The following SLC6A6 variants were observed in gnomAD, a reference collection of about 807,000 sequenced individuals.
The protein encoded by SLC6A6 is sodium- and chloride-dependent taurine transporter.
A neutral mutation model predicts 68.8 loss-of-function variants in SLC6A6; 16 were observed. That is an observed-to-expected ratio of 0.23 (90% confidence interval 0.16 to 0.35). The LOEUF (loss-of-function observed/expected upper bound fraction) is 0.35, where lower values mean the gene tolerates loss of function less well. Among genes scored for constraint, SLC6A6 ranks in the 10% least tolerant of loss-of-function variants. The pLI is 1.00. For missense variants in SLC6A6, 474 were observed against 802.8 expected (o/e 0.59, Z 4.95); for synonymous variants, 312 against 315.4 (o/e 0.99, Z 0.12).
intron 10 of SLC6A6, among the ~76,000 whole-genome samples, chr3:14,473,769 G>A (rs1700808011): frequency 6.6e-6 from 1 of 152,190 alleles, no homozygotes. Flanking sequence ...AATGAGTTTG[G>A]CCTTCAGAGG....
In SLC6A6 at chr3:14,468,346, G is replaced by A. The variant is rs1167189859; in HGVS notation, c.1096+134G>A. On this transcript the variant is annotated intron_variant, in intron 9 of 14. Coordinates refer to ENST00000622186, the MANE Select transcript of SLC6A6 (RefSeq NM_003043.6). This position sits in a 1 kb window ranked among gnomAD's most constrained non-coding sequence, Gnocchi z 4.5. ...GGTTTCTAAAATGGACCCCCCCCCC[G>A]CCACCAAGATATCCCCCAAATTTCA... 11 of 660,570 alleles carry A rather than the reference G, an allele frequency of 1.7e-5. No homozygotes were observed. The highest frequency in any genetic ancestry group is 9.7e-5 in the South Asian group (4 of 41,148). 40.9% of individuals were successfully genotyped at this position (660,570 alleles called of 1,614,324 possible).
intron 1 of SLC6A6, among the ~76,000 whole-genome samples, chr3:14,408,109 C>T (rs1170585382): frequency 2.0e-5 from 3 of 152,080 alleles, no homozygotes; most frequent in Non-Finnish European, 4.4e-5. Context: ...TTTTTGTGGA[C>T]ATATATTTTC....
intron 1 of SLC6A6, among the ~76,000 whole-genome samples, chr3:14,404,690 C>T (rs1192659107): frequency 2.6e-5 from 4 of 152,338 alleles, no homozygotes; most frequent in African/African-American, 4.8e-5. Flanking sequence ...ACACCAGTGC[C>T]GGCCTCACTA....
At chr3:14,434,932 C>T (rs553220627) in intron 2 of SLC6A6, among the ~76,000 whole-genome samples, 1 of 152,362 alleles carries the variant, frequency 6.6e-6, no homozygotes, top group African/African-American at 2.4e-5. Context: ...GTCCCCAGAC[C>T]TTATGTTCAC....
chr3:14,474,602 G>T (rs190852612), intron 10 of SLC6A6, among the ~76,000 whole-genome samples: 2 of 152,298 alleles, frequency 1.3e-5, no homozygotes, highest in African/African-American at 4.8e-5. Context: ...GTGTTGCAAT[G>T]CCTGGGTACT....
intron 2 of SLC6A6, among the ~76,000 whole-genome samples, chr3:14,421,544 A>C (rs781233618): frequency 1.3e-5 from 2 of 152,264 alleles, no homozygotes; most frequent in Non-Finnish European, 2.9e-5. Context: ...GGCACATAGC[A>C]GTTCTTCAAT....
At chr3:14,409,688 T>A (rs571648193) in intron 1 of SLC6A6, among the ~76,000 whole-genome samples, 2 of 152,236 alleles carry the variant, frequency 1.3e-5, no homozygotes, top group Admixed American at 6.5e-5. Context: ...GTGAACAGTC[T>A]AAGATGGTTT....
intron 1 of SLC6A6, among the ~76,000 whole-genome samples, chr3:14,407,889 G>T (rs925990236): frequency 2.6e-5 from 4 of 151,876 alleles, no homozygotes; most frequent in Admixed American, 2.6e-4. Flanking sequence ...ATACTCTTTT[G>T]TCCATTTTTT....
intron 13 of SLC6A6, 36 bp downstream of exon 13, chr3:14,479,221 C>T (rs1428459229): frequency 7.8e-7 from 1 of 1,278,154 alleles, no homozygotes; most frequent in South Asian, 1.2e-5. Context: ...CTGGTGGCCT[C>T]TTCTCCCTGG....
At chr3:14,413,231 C>A (rs1699289715) in intron 1 of SLC6A6, among the ~76,000 whole-genome samples, 2 of 152,218 alleles carry the variant, frequency 1.3e-5, no homozygotes, top group South Asian at 4.1e-4. Context: ...AGCACCTTAG[C>A]CTCTGACAGC....
chr3:14,409,514 A>C (rs866137421), intron 1 of SLC6A6, among the ~76,000 whole-genome samples: 2 of 152,376 alleles, frequency 1.3e-5, no homozygotes, highest in South Asian at 4.1e-4. Context: ...CTGGACCCAG[A>C]GTCCACCGGA....
intron 1 of SLC6A6, among the ~76,000 whole-genome samples, chr3:14,405,440 T>C (rs1398769453): frequency 6.6e-6 from 1 of 152,254 alleles, no homozygotes; most frequent in Non-Finnish European, 1.5e-5. Context: ...TGTGAGTCAT[T>C]GAACACATTC....
chr3:14,475,505 C>T (rs1700855983), intron 10 of SLC6A6, among the ~76,000 whole-genome samples: 1 of 152,202 alleles, frequency 6.6e-6, no homozygotes, highest in African/African-American at 2.4e-5. Flanking sequence ...TGGACAAGAT[C>T]CTCCCATTTC....
At position 14,448,436 on chromosome 3, in the gene SLC6A6, G is replaced by A. The variant is rs60312740; in HGVS notation, c.599+620G>A. Among the ~76,000 whole-genome samples, 1,509 of 152,274 alleles carry A rather than the reference G, an allele frequency of 9.9e-3. 25 individuals carry two copies. The highest frequency in any genetic ancestry group is 0.034 in the African/African-American group (1,431 of 41,542). ...AGGTCCTCCGGGTAGCTCTTCTGGG[G>A]TTTGGCCGGCTATTGGCTGGGGTGT... is the stretch of plus-strand genomic sequence containing the variant. On this transcript the variant is annotated intron_variant, in intron 5 of 14. Transcript: ENST00000622186.
In SLC6A6 at chr3:14,484,263, A is replaced by G. The variant is rs572425286; in HGVS notation, c.1723-604A>G. On this transcript the variant is annotated intron_variant, in intron 14 of 14. Coordinates refer to ENST00000622186, the MANE Select transcript of SLC6A6 (RefSeq NM_003043.6). ...GATCTAGAATTCCCATGCAGCTCCTATCTCTTGGAAGGGCAGCTCAAATGC... is the reference window on the plus strand; with the variant it reads ...GATCTAGAATTCCCATGCAGCTCCTGTCTCTTGGAAGGGCAGCTCAAATGC... Among the ~76,000 whole-genome samples, 10 of 152,306 alleles carry G rather than the reference A, an allele frequency of 6.6e-5. No individual in the cohort carries two copies. In the South Asian group the frequency reaches 8.3e-4, roughly 13 times the overall value.
chr3:14,462,857 A>T (rs1263402426), intron 6 of SLC6A6, among the ~76,000 whole-genome samples: 1 of 152,180 alleles, frequency 6.6e-6, no homozygotes, highest in African/African-American at 2.4e-5. Flanking sequence ...AAGGAGACAC[A>T]TGCCTAGATG....
intron 1 of SLC6A6, among the ~76,000 whole-genome samples, chr3:14,406,575 C>A (rs1484641416): frequency 6.6e-6 from 1 of 152,160 alleles, no homozygotes; most frequent in Admixed American, 6.5e-5. Flanking sequence ...GGTACACAGG[C>A]CATTAACTTG....
chr3:14,443,923 G>A, intron 3 of SLC6A6, 60 bp downstream of exon 3: 1 of 1,240,206 alleles, frequency 8.1e-7, no homozygotes, highest in Non-Finnish European at 1.2e-6. Context: ...TAGAGCTGGA[G>A]GCTGGGACCA....
intron 6 of SLC6A6, 141 bp from the exon 7 acceptor site, chr3:14,466,375 C>A: frequency 1.1e-6 from 1 of 910,674 alleles, no homozygotes; most frequent in Non-Finnish European, 1.6e-6. Flanking sequence ...TGCCAAAGGC[C>A]GCACAGCAAG....
Sources: gnomAD v4.1 joint callset for allele counts (sites outside exome capture counted in the v4.1 genomes callset) on GRCh38, gnomAD v4.1.1 for gene constraint, Gnocchi (gnomAD v3.1) non-coding constraint, MANE v1.5 for transcripts, NCBI Gene and HGNC (gene_info 2026-07-23, HGNC 2026-07-21) for gene names.